Variants in BMS1 observed in about 807,000 individuals in gnomAD.
BMS1 encodes ribosome biogenesis protein BMS1 homolog.
A neutral mutation model predicts 138.7 loss-of-function variants in BMS1; 53 were observed. That is an observed-to-expected ratio of 0.38 (90% CI 0.31 to 0.48). The LOEUF is 0.48. BMS1 is among the 20% of genes least tolerant of loss of function. BMS1 has a pLI of 0.97. For missense variants in BMS1, 1,360 were observed against 1,565.5 expected (o/e 0.87, Z 2.22); for synonymous variants, 504 against 539.9 (o/e 0.93, Z 0.92).
At position 42,823,667 on chromosome 10, in the gene BMS1, A is replaced by T. The variant is rs1470564478; in HGVS notation, c.3339A>T (p.Val1113=). ...PVSIPAFYNP[V]TSLLKPVGEK... ...CCATCCCAGCGTTCTATAACCCAGT[A>T]ACATCTTTGTTGAAACCAGTGGGTG... Residue 1113 remains valine, a synonymous_variant, in exon 21 of 23, where the codon GTA becomes GTT. Transcript: ENST00000374518. 1 of 1,595,700 alleles carries T rather than the reference A, an allele frequency of 6.3e-7. No individual in the cohort carries two copies. Among genetic ancestry groups the T allele is most frequent in the Non-Finnish European group, 8.5e-7 (1 of 1,179,498 alleles).
At chr10:42,809,952 A>ATTTTTTT (rs34656411) in intron 13 of BMS1, among the ~76,000 whole-genome samples, 1 of 114,024 alleles carries the variant, frequency 8.8e-6, no homozygotes, top group Non-Finnish European at 1.7e-5. Flanking sequence ...TGTCTGGCTA[A>ATTTTTTT]TTTTTTTTTT....
intron 7 of BMS1, 39 bp downstream of exon 7, chr10:42,792,653 G>A (rs747432370): frequency 6.4e-7 from 1 of 1,574,160 alleles, no homozygotes; most frequent in Non-Finnish European, 8.6e-7. Context: ...ATTACACATA[G>A]GATTCTTGGG....
chr10:42,813,682 C>T (rs539251340), intron 13 of BMS1, among the ~76,000 whole-genome samples: 1 of 152,264 alleles, frequency 6.6e-6, no homozygotes, highest in Non-Finnish European at 1.5e-5. Context: ...GTCCCATATT[C>T]ATCCCTTCTG....
At chr10:42,805,097 A>G (rs1362675338) in intron 13 of BMS1, among the ~76,000 whole-genome samples, 1 of 152,116 alleles carries the variant, frequency 6.6e-6, no homozygotes, top group Non-Finnish European at 1.5e-5. Flanking sequence ...AAATTGTCTC[A>G]TATATTCTGT....
chr10:42,813,897 C>G (rs1426128295), intron 13 of BMS1, among the ~76,000 whole-genome samples: 4 of 152,224 alleles, frequency 2.6e-5, no homozygotes, highest in Admixed American at 2.6e-4. Context: ...ATAGAATTTG[C>G]AACCAACAGT....
In BMS1 at chr10:42,820,553, C is replaced by G. The variant is rs779750824; in HGVS notation, c.2815C>G (p.Arg939Gly). Reference protein sequence around the residue: ...HRWYKKILKSRDPIIFSVGWR... With the variant: ...HRWYKKILKSGDPIIFSVGWR... ...CTGGTATAAGAAAATCCTCAAGTCC[C>G]GAGATCCAATCATATTTTCTGTAGG... is the stretch of plus-strand genomic sequence containing the variant. Residue 939 changes from arginine to glycine, a missense_variant, in exon 17 of 23, where the codon CGA becomes GGA. Coordinates refer to ENST00000374518, the MANE Select transcript of BMS1 (RefSeq NM_014753.4). 2.0e-5 allele frequency: 33 copies of G among 1,611,214 alleles called. No homozygotes were observed. The highest frequency in any genetic ancestry group is 3.3e-5 in the Admixed American group (2 of 59,874).
In BMS1 at chr10:42,793,030, G is replaced by T; in HGVS notation, c.975G>T (p.Lys325Asn). The change falls in exon 8 of 23, where the codon AAG (lysine) becomes AAT (asparagine). Residue 325 changes from lysine (K) to asparagine (N), a missense_variant. Around this residue, in one of 3 missense-constraint regions of BMS1, gnomAD observed 697 missense variants for 686.2 expected, o/e 1.02. Transcript: ENST00000374518. ...DPCALPEQQK[K>N]RCLNEKEKLV... Reference sequence around the variant, plus strand: ...GCGCTCTTCCTGAACAACAAAAGAAGCGCTGTTTAAATGAGAAGGAGAAGC... The same window carrying T: ...GCGCTCTTCCTGAACAACAAAAGAATCGCTGTTTAAATGAGAAGGAGAAGC... 1 of 1,614,110 alleles carries T rather than the reference G, an allele frequency of 6.2e-7. No individual in the cohort carries two copies. The highest frequency in any genetic ancestry group is 8.5e-7 in the Non-Finnish European group (1 of 1,179,994).
chr10:42,785,720 T>C, intron 3 of BMS1, 48 bp downstream of exon 3: 3 of 1,575,954 alleles, frequency 1.9e-6, no homozygotes, highest in Non-Finnish European at 1.7e-6. Context: ...TGTTGTCATC[T>C]GAGGGACATG....
In BMS1 at chr10:42,797,112, T is replaced by G. The variant is rs770936206; in HGVS notation, c.1868T>G (p.Val623Gly). 8.7e-6 allele frequency: 14 copies of G among 1,614,204 alleles called. No homozygotes were observed. Among genetic ancestry groups the G allele is most frequent in the Non-Finnish European group, 1.2e-5 (14 of 1,180,040 alleles). ...IRKKLSKPSQ[V>G]SSGQKLGPQN... Reference sequence around the variant, plus strand: ...AAAAAGCTTTCAAAGCCTTCTCAAGTGAGCAGTGGTCAGAAACTGGGGCCA... The same window carrying G: ...AAAAAGCTTTCAAAGCCTTCTCAAGGGAGCAGTGGTCAGAAACTGGGGCCA... The change falls in exon 10 of 23, where the codon GTG becomes GGG. Residue 623 changes from valine (V) to glycine (G), a missense_variant. This residue lies in a region of BMS1 where 697 missense variants were observed against 686.2 expected (regional missense o/e 1.02). Transcript: ENST00000374518.
intron 21 of BMS1, among the ~76,000 whole-genome samples, chr10:42,828,821 C>T (rs905840846): frequency 4.6e-5 from 7 of 152,082 alleles, no homozygotes; most frequent in African/African-American, 1.7e-4. Context: ...GTCTCCCAGG[C>T]ATTTCTTTTT....
chr10:42,821,118 T>G (rs1842492910), intron 18 of BMS1, 126 bp downstream of exon 18: 1 of 830,586 alleles, frequency 1.2e-6, no homozygotes, highest in South Asian at 1.7e-5. Flanking sequence ...TAAATTTCCC[T>G]TTGCTTTTAA....
chr10:42,800,605 C>A (rs1360375184), intron 12 of BMS1, among the ~76,000 whole-genome samples: 2 of 150,210 alleles, frequency 1.3e-5, no homozygotes, highest in African/African-American at 4.9e-5. Flanking sequence ...CAGCTCACTG[C>A]AAGCTCTGCC....
At chr10:42,828,752 C>G (rs1279823749) in intron 21 of BMS1, among the ~76,000 whole-genome samples, 2 of 152,026 alleles carry the variant, frequency 1.3e-5, no homozygotes, top group East Asian at 3.9e-4. Flanking sequence ...GTGGAGTGTT[C>G]AGTTTTGTAA....
intron 3 of BMS1, 42 bp downstream of exon 3, chr10:42,785,714 G>A: frequency 5.0e-6 from 8 of 1,588,558 alleles, no homozygotes; most frequent in Non-Finnish European, 6.9e-6. Context: ...CGTGGCTGTT[G>A]TCATCTGAGG....
At chr10:42,783,672 A>G (rs1289334504) in intron 1 of BMS1, among the ~76,000 whole-genome samples, 6 of 152,146 alleles carry the variant, frequency 3.9e-5, no homozygotes, top group Admixed American at 3.3e-4. Context: ...TAACTCAGAA[A>G]TCACTGGAAG....
intron 13 of BMS1, among the ~76,000 whole-genome samples, chr10:42,802,539 G>T (rs909494659): frequency 6.6e-6 from 1 of 151,842 alleles, no homozygotes; most frequent in Non-Finnish European, 1.5e-5. Flanking sequence ...AATAAAGGTA[G>T]TATGCATTGT....
chr10:42,814,897 C>G (rs573259886), intron 13 of BMS1, among the ~76,000 whole-genome samples: 1 of 152,164 alleles, frequency 6.6e-6, no homozygotes, highest in East Asian at 1.9e-4. Flanking sequence ...CTGAGTCTGC[C>G]TGGGTTGCCT....
chr10:42,794,033 A>G, intron 9 of BMS1, 42 bp downstream of exon 9: 5 of 1,593,296 alleles, frequency 3.1e-6, no homozygotes, highest in Non-Finnish European at 4.3e-6. Context: ...AAGATGTATT[A>G]CAAAAGATCA....
At position 42,796,534 on chromosome 10, in the gene BMS1, A is replaced by G. The variant is rs749663539; in HGVS notation, c.1290A>G (p.Lys430=). The change falls in exon 10 of 23, where the codon AAA becomes AAG. Residue 430 remains lysine, a synonymous_variant. Coordinates refer to ENST00000374518, the MANE Select transcript of BMS1 (RefSeq NM_014753.4). ...TGAACACTGGTCGAATGCGTCGGAA[A>G]GCCATTTTCGGAGATGAAGATGAAT... ...MDLNTGRMRR[K]AIFGDEDESG... 1.2e-5 allele frequency: 20 copies of G among 1,614,100 alleles called. 1 individual carries two copies. In the South Asian group the frequency reaches 2.2e-4, roughly 18 times the overall value.
Sources: gnomAD v4.1 joint callset for allele counts (sites outside exome capture counted in the v4.1 genomes callset) on GRCh38, gnomAD v4.1.1 for gene constraint, gnomAD v4.1.1 regional missense constraint, MANE v1.5 for transcripts, NCBI Gene and HGNC (gene_info 2026-07-23, HGNC 2026-07-21) for gene names.